Variants in ABCA8 observed in about 807,000 individuals in gnomAD.
ABCA8 encodes the protein ABC-type organic anion transporter ABCA8.
ABCA8 carries 177 observed loss-of-function variants against 192.3 expected under a neutral mutation model. That is an observed-to-expected ratio of 0.92 (90% CI 0.81 to 1.04). The LOEUF is 1.04. Among genes scored for constraint, ABCA8 ranks in the 50% least tolerant of loss-of-function variants. The pLI, the probability that ABCA8 is intolerant of heterozygous loss-of-function variation, is 0.00. For missense variants in ABCA8, 1,915 were observed against 1,904.8 expected, an observed-to-expected ratio of 1.01 and a Z score of -0.10; for synonymous variants, 642 against 690.2, an observed-to-expected ratio of 0.93 and a Z score of 1.09.
intron 18 of ABCA8, among the ~76,000 whole-genome samples, chr17:68,907,236 C>T (rs1404926419): frequency 1.3e-5 from 2 of 152,034 alleles, no homozygotes. Flanking sequence ...TCTTTGTTAA[C>T]CACATATACA....
intron 4 of ABCA8, among the ~76,000 whole-genome samples, chr17:68,938,773 C>T (rs994138701): frequency 1.2e-4 from 19 of 152,198 alleles, no homozygotes; most frequent in Non-Finnish European, 4.4e-5. Context: ...CTGCCTGATA[C>T]TGACATCCTG....
chr17:68,934,350 T>C (rs1245522950), intron 5 of ABCA8, among the ~76,000 whole-genome samples: 1 of 152,176 alleles, frequency 6.6e-6, no homozygotes, highest in African/African-American at 2.4e-5. Flanking sequence ...TGTCTTCTTG[T>C]AAATATATCT....
intron 11 of ABCA8, among the ~76,000 whole-genome samples, chr17:68,923,951 A>T (rs908716637): frequency 2.0e-5 from 3 of 151,888 alleles, no homozygotes; most frequent in African/African-American, 7.3e-5. Flanking sequence ...TCTGCAGGGC[A>T]CCTCTCCCTG....
chr17:68,907,658 A>G (rs1420500403), intron 18 of ABCA8, 82 bp downstream of exon 18: 15 of 1,252,588 alleles, frequency 1.2e-5, no homozygotes, highest in East Asian at 2.6e-5. Flanking sequence ...AGACATTGAT[A>G]AATGTTAGTT....
chr17:68,936,561 C>A (rs2068071497), intron 5 of ABCA8, among the ~76,000 whole-genome samples: 1 of 151,986 alleles, frequency 6.6e-6, no homozygotes, highest in Non-Finnish European at 1.5e-5. Flanking sequence ...CAGTATCATG[C>A]TGTTTTAGTT....
At chr17:68,941,153 G>A (rs918358781) in intron 3 of ABCA8, among the ~76,000 whole-genome samples, 191 bp from the exon 4 acceptor site, 1 of 152,100 alleles carries the variant, frequency 6.6e-6, no homozygotes, top group African/African-American at 2.4e-5. Context: ...GCTTAGTAAT[G>A]ATATACTGGT....
Position 68,891,541 on chromosome 17 carries a change from A to G in ABCA8, c.3092T>C (p.Leu1031Ser). 1 of 1,613,368 alleles carries G rather than the reference A, an allele frequency of 6.2e-7. No homozygotes were observed. Among genetic ancestry groups the G allele is most frequent in the Non-Finnish European group, 8.5e-7 (1 of 1,179,802 alleles). The change falls in exon 24 of 40, where the codon TTA becomes TCA. Residue 1031 changes from leucine (L) to serine (S), a missense_variant. Coordinates refer to ENST00000586539, the MANE Select transcript of ABCA8 (RefSeq NM_001288985.2). Reference protein sequence around the residue: ...FLAYIMFWLVLTSSCPPYIAM... With the variant: ...FLAYIMFWLVSTSSCPPYIAM... ...AATGTAAGGTGGGCAACTCGATGTT[A>G]AAACCAGCCAGAACATGATATATGC...
At chr17:68,935,785 G>A (rs1413811553) in intron 5 of ABCA8, among the ~76,000 whole-genome samples, 8 of 151,806 alleles carry the variant, frequency 5.3e-5, no homozygotes, top group Non-Finnish European at 1.2e-4. Flanking sequence ...GTCCATAAAG[G>A]TTGTACTAAT....
chr17:68,916,940 A>G (rs1418285407), intron 17 of ABCA8, among the ~76,000 whole-genome samples: 1 of 152,252 alleles, frequency 6.6e-6, no homozygotes, highest in African/African-American at 2.4e-5. Context: ...AGACACAAAT[A>G]CGTGTACATG....
At chr17:68,901,280 A>T (rs1266220811) in intron 21 of ABCA8, among the ~76,000 whole-genome samples, 1 of 152,216 alleles carries the variant, frequency 6.6e-6, no homozygotes, top group South Asian at 2.1e-4. Context: ...TTATCATAAC[A>T]CTTAGAACTC....
chr17:68,909,416 G>A (rs1448747667), intron 17 of ABCA8, among the ~76,000 whole-genome samples: 2 of 152,186 alleles, frequency 1.3e-5, no homozygotes, highest in African/African-American at 4.8e-5. Context: ...TGTGGCTCAT[G>A]AGCTATAATT....
intron 10 of ABCA8, among the ~76,000 whole-genome samples, chr17:68,927,216 C>A: frequency 6.6e-6 from 1 of 151,984 alleles, no homozygotes; most frequent in East Asian, 1.9e-4. Flanking sequence ...CGAGATTGTG[C>A]CACTGCACTC....
chr17:68,935,477 C>T (rs183349759), intron 5 of ABCA8, among the ~76,000 whole-genome samples: 136 of 144,500 alleles, frequency 9.4e-4, no homozygotes, highest in Non-Finnish European at 1.5e-3. Context: ...GATAAAGGGA[C>T]GTTCTTAAAA....
At chr17:68,943,441 A>G (rs1260723552) in intron 2 of ABCA8, among the ~76,000 whole-genome samples, 1 of 152,216 alleles carries the variant, frequency 6.6e-6, no homozygotes, top group Non-Finnish European at 1.5e-5. Context: ...CATCTTTTCC[A>G]CATTCTCATC....
At position 68,877,629 on chromosome 17, in the gene ABCA8, G is replaced by C. The variant is rs368004086; in HGVS notation, c.4089C>G (p.Tyr1363Ter). Residue 1363 changes from tyrosine (Y) to a stop codon, truncating the protein, a stop_gained, in exon 33 of 40, where the codon TAC (tyrosine) becomes TAG (stop). Coordinates refer to ENST00000586539, the MANE Select transcript of ABCA8 (RefSeq NM_001288985.2). LOFTEE classifies it high-confidence loss of function. ...GCCACAGCGCGTTCTCCTGAGGGCA[G>C]TACCCCAGGAACTCCAGGGCATCCC... ...GGGDALEFLG[Y>*]CPQENALWPN... 6.2e-7 allele frequency: 1 copy of C among 1,613,800 alleles called. No homozygotes were observed.
At chr17:68,874,800 G>T (rs2066157166) in intron 37 of ABCA8, among the ~76,000 whole-genome samples, 1 of 152,072 alleles carries the variant, frequency 6.6e-6, no homozygotes, top group Non-Finnish European at 1.5e-5. Context: ...GCTGTTACCA[G>T]AATTTACATA....
At chr17:68,904,786 T>C (rs943024480) in intron 19 of ABCA8, among the ~76,000 whole-genome samples, 1 of 152,312 alleles carries the variant, frequency 6.6e-6, no homozygotes, top group Admixed American at 6.5e-5. Context: ...AGCTGCATAG[T>C]GTCTTGAGCA....
chr17:68,910,916 C>G (rs1284226715), intron 17 of ABCA8, among the ~76,000 whole-genome samples: 1 of 152,160 alleles, frequency 6.6e-6, no homozygotes, highest in African/African-American at 2.4e-5. Context: ...AACTTTTGGG[C>G]CTTGAATAAA....
chr17:68,930,758 C>G (rs1206219125), intron 7 of ABCA8, among the ~76,000 whole-genome samples: 2 of 152,128 alleles, frequency 1.3e-5, no homozygotes, highest in African/African-American at 2.4e-5. Context: ...TGCTACGTTT[C>G]CCTCCAGTAT....
Sources: allele counts gnomAD v4.1 joint callset (sites outside exome capture counted in the v4.1 genomes callset), GRCh38; gene constraint gnomAD v4.1.1; transcripts MANE v1.5; gene names NCBI Gene and HGNC (gene_info 2026-07-23, HGNC 2026-07-21).